The following DNM1L variants were observed in gnomAD, a reference collection of about 807,000 sequenced individuals.
DNM1L encodes dynamin 1L.
DNM1L carries 33 observed loss-of-function variants against 92.8 expected under a neutral mutation model. That is an observed-to-expected ratio of 0.36 (90% CI 0.27 to 0.48). The LOEUF is 0.48. Among genes scored for constraint, DNM1L ranks in the 20% least tolerant of loss-of-function variants. The pLI, the probability that DNM1L is intolerant of heterozygous loss-of-function variation, is 0.99. For missense variants in DNM1L, 485 were observed against 888.8 expected (o/e 0.55, Z 5.78); for synonymous variants, 284 against 305.0 (o/e 0.93, Z 0.72).
At chr12:32,701,818 A>T (rs193246357) in intron 2 of DNM1L, among the ~76,000 whole-genome samples, 171 of 151,704 alleles carry the variant, frequency 1.1e-3, no homozygotes, top group Non-Finnish European at 1.7e-3. Flanking sequence ...ACCTCCACCT[A>T]CTGGGTTCAA....
At chr12:32,679,833 C>T in intron 1 of DNM1L, 1 of 1,004,608 alleles carries the variant, frequency 1.0e-6, no homozygotes, top group Non-Finnish European at 1.2e-6. Flanking sequence ...ACCTGGGGGA[C>T]GCGCGGGGCA....
rs777740373 is a variant in DNM1L at position 32,718,751 on chromosome 12, G to T, written c.728G>T (p.Gly243Val). The change falls in exon 7 of 20, where the codon GGA (glycine) becomes GTA (valine). Residue 243 changes from glycine to valine, a missense_variant. Coordinates refer to ENST00000549701, the MANE Select transcript of DNM1L (RefSeq NM_012062.5). ...RVIPVKLGII[G>V]VVNRSQLDIN... is the part of the protein sequence containing the mutation. Reference sequence around the variant, plus strand: ...ATTCCAGTCAAACTTGGAATAATTGGAGTAGTTAACAGGTTAGCAGTTAGA... The same window carrying T: ...ATTCCAGTCAAACTTGGAATAATTGTAGTAGTTAACAGGTTAGCAGTTAGA... 6.2e-7 allele frequency: 1 copy of T among 1,613,778 alleles called. No homozygotes were observed. Among genetic ancestry groups the T allele is most frequent in the Non-Finnish European group, 8.5e-7 (1 of 1,179,832 alleles).
chr12:32,695,893 T>C (rs1297851072), intron 1 of DNM1L, among the ~76,000 whole-genome samples: 1 of 151,942 alleles, frequency 6.6e-6, no homozygotes, highest in Admixed American at 6.6e-5. Flanking sequence ...GGAAAGAAGC[T>C]GAAAAGGAGA....
chr12:32,743,618 C>G lies in DNM1L; in HGVS notation c.*208C>G. On this transcript the variant is annotated 3_prime_UTR_variant, in exon 20 of 20. Transcript: ENST00000549701. ...AATAAATGGCTGTTTCTAAAGTTTC[C>G]CAGTATATATAAAATACATCAAGTC... is the stretch of plus-strand genomic sequence containing the variant. 1 of 572,166 alleles carries G rather than the reference C, an allele frequency of 1.7e-6. No homozygotes were observed. The highest frequency in any genetic ancestry group is 3.1e-6 in the Non-Finnish European group (1 of 321,768). The allele number at this position is 572,166 out of a possible 1,614,324, so 35.4% of individuals were successfully genotyped here. A position where few individuals can be genotyped will look rare whatever the true frequency, so the allele number is the denominator to read the frequency against.
At chr12:32,698,363 T>C (rs886383312) in intron 1 of DNM1L, among the ~76,000 whole-genome samples, 10 of 152,142 alleles carry the variant, frequency 6.6e-5, no homozygotes, top group Non-Finnish European at 1.3e-4. Context: ...ATACATTCTG[T>C]ATGTAGGAGC....
chr12:32,738,117 T>C (rs1955027854), intron 15 of DNM1L, 147 bp from the exon 16 acceptor site: 2 of 1,099,286 alleles, frequency 1.8e-6, no homozygotes, highest in African/African-American at 3.2e-5. Flanking sequence ...ATAGTTTATA[T>C]TGTTGACATG....
intron 1 of DNM1L, among the ~76,000 whole-genome samples, chr12:32,685,812 C>A (rs1039690379): frequency 5.9e-5 from 9 of 152,130 alleles, no homozygotes; most frequent in African/African-American, 2.2e-4. Flanking sequence ...CCATTTCCTT[C>A]TCTTATGGAC....
chr12:32,723,339 C>T (rs892489181), intron 9 of DNM1L, among the ~76,000 whole-genome samples: 6 of 152,170 alleles, frequency 3.9e-5, no homozygotes, highest in African/African-American at 1.4e-4. Flanking sequence ...TCGACACCTT[C>T]ACTTTGGCAA....
At chr12:32,694,118 C>T (rs1952337071) in intron 1 of DNM1L, among the ~76,000 whole-genome samples, 1 of 152,148 alleles carries the variant, frequency 6.6e-6, no homozygotes, top group South Asian at 2.1e-4. Flanking sequence ...GAGTCTCGCC[C>T]TGTTGCCCAG....
chr12:32,690,495 G>C (rs1438649337), intron 1 of DNM1L, among the ~76,000 whole-genome samples: 1 of 152,066 alleles, frequency 6.6e-6, no homozygotes, highest in African/African-American at 2.4e-5. Flanking sequence ...TATATGTGCT[G>C]TCTTTCTTTA....
Position 32,731,542 on chromosome 12 carries a change from T to A in DNM1L, c.1356+31T>A, listed in dbSNP as rs1450552397. The A allele has an allele frequency of 1.2e-6, 2 of 1,612,782 alleles. No individual in the cohort carries two copies. Among genetic ancestry groups the A allele is most frequent in the Admixed American group, 3.3e-5 (2 of 59,988 alleles). On this transcript the variant is annotated intron_variant, in intron 11 of 19. Transcript: ENST00000549701. This position sits in a 1 kb window ranked among gnomAD's most constrained non-coding sequence, Gnocchi z 5.1. ...GGAGAGAAATGTAACAGGTTTCACA[T>A]GAACTAGAAAAGGACATGAAGTGGT...
At chr12:32,732,048 C>A in intron 12 of DNM1L, 105 bp downstream of exon 12, 1 of 830,156 alleles carries the variant, frequency 1.2e-6, no homozygotes, top group Non-Finnish European at 2.0e-6. Flanking sequence ...AGAGTGTAGG[C>A]ATAATGTTTT....
chr12:32,716,668 C>A (rs1953382974), intron 6 of DNM1L, among the ~76,000 whole-genome samples: 1 of 148,060 alleles, frequency 6.8e-6, no homozygotes. Context: ...CCCTAAGAGT[C>A]AACAAAAAAT....
At chr12:32,737,240 G>A (rs896618171) in intron 14 of DNM1L, 79 bp downstream of exon 14, 10 of 1,495,162 alleles carry the variant, frequency 6.7e-6, no homozygotes, top group Non-Finnish European at 9.2e-6. Flanking sequence ...AGTCCTAGGA[G>A]TAATTTTTTC....
intron 1 of DNM1L, among the ~76,000 whole-genome samples, chr12:32,698,247 G>A (rs1211600304): frequency 6.6e-6 from 1 of 152,168 alleles, no homozygotes; most frequent in Non-Finnish European, 1.5e-5. Context: ...ACATGAATGA[G>A]CCCCTATGTC....
rs1184308916 is a variant in DNM1L at position 32,717,381 on chromosome 12, A to T, written c.620-1262A>T. 1.2e-4 allele frequency among the ~76,000 whole-genome samples: 9 copies of T among 75,816 alleles called. 1 individual carries two copies. Among genetic ancestry groups the T allele is most frequent in the African/African-American group, 5.0e-4 (9 of 17,878 alleles). The allele number at this position is 75,816 out of a possible 152,430, so 49.7% of individuals were successfully genotyped here. A position where few individuals can be genotyped will look rare whatever the true frequency, so the allele number is the denominator to read the frequency against. On this transcript the variant is annotated intron_variant, in intron 6 of 19. Coordinates refer to ENST00000549701, the MANE Select transcript of DNM1L (RefSeq NM_012062.5). ...AGTATATATAATATATATACTATAT[A>T]TAATATATAGTATATATAATATATA... is the stretch of plus-strand genomic sequence containing the variant.
intron 2 of DNM1L, chr12:32,705,995 T>C (rs553601095): frequency 2.2e-4 from 169 of 754,016 alleles, no homozygotes; most frequent in Middle Eastern, 1.3e-3. Context: ...TTGCAGGTTT[T>C]AGTGGTTCTT....
chr12:32,717,548 A>G (rs1320889321), intron 6 of DNM1L, among the ~76,000 whole-genome samples: 1 of 121,920 alleles, frequency 8.2e-6, no homozygotes, highest in African/African-American at 3.1e-5. Context: ...AATTTTACCT[A>G]TGGCATTTTT....
At position 32,701,513 on chromosome 12, in the gene DNM1L, G is replaced by C. The variant is rs1256069786; in HGVS notation, c.201G>C (p.Leu67=). ...CCCGGAGACCTCTCATTCTGCAACT[G>C]GTCCATGTTTCACAAGAAGATAAAC... is the stretch of plus-strand genomic sequence containing the variant. The part of the protein sequence containing the change: ...IVTRRPLILQ[L]VHVSQEDKRK... Residue 67 remains leucine, a synonymous_variant, in exon 2 of 20, where the codon CTG becomes CTC. Coordinates refer to ENST00000549701, the MANE Select transcript of DNM1L (RefSeq NM_012062.5). 9 of 1,613,654 alleles carry C rather than the reference G, an allele frequency of 5.6e-6. No homozygotes were observed. Among genetic ancestry groups the C allele is most frequent in the Admixed American group, 1.7e-5 (1 of 59,978 alleles).
Sources: allele counts gnomAD v4.1 joint callset (sites outside exome capture counted in the v4.1 genomes callset), GRCh38; gene constraint gnomAD v4.1.1; non-coding constraint Gnocchi (gnomAD v3.1); transcripts MANE v1.5; gene names NCBI Gene and HGNC (gene_info 2026-07-23, HGNC 2026-07-21).